The following ABHD17A variants were observed in gnomAD, a reference collection of about 807,000 sequenced individuals.
ABHD17A encodes the protein abhydrolase domain containing 17A, depalmitoylase, also known as alpha/beta hydrolase domain-containing protein 17A.
Under a neutral mutation model 26.8 loss-of-function variants are expected in ABHD17A, and 10 were observed. That is an observed-to-expected ratio of 0.37 (90% CI 0.23 to 0.63). The LOEUF is 0.63. Among genes scored for constraint, ABHD17A ranks in the 30% least tolerant of loss-of-function variants. The pLI is 0.61. For synonymous variants in ABHD17A, 167 were observed against 210.9 expected (o/e 0.79, Z 1.80); for missense variants, 292 against 457.3 (o/e 0.64, Z 3.30).
intron 1 of ABHD17A, among the ~76,000 whole-genome samples, chr19:1,885,086 G>T (rs1239738751): frequency 6.6e-6 from 1 of 152,212 alleles, no homozygotes; most frequent in African/African-American, 2.4e-5. Flanking sequence ...CGGCTCGGAC[G>T]GGTGCTCCCC....
In ABHD17A at chr19:1,879,850, C is replaced by A. The variant is rs1431147746; in HGVS notation, c.527+71G>T. 1.4e-6 allele frequency: 2 copies of A among 1,476,666 alleles called. No homozygotes were observed. Among genetic ancestry groups the A allele is most frequent in the Admixed American group, 2.1e-5 (1 of 48,702 alleles). The allele number at this position is 1,476,666 out of a possible 1,614,324, so 91.5% of individuals were successfully genotyped here. On this transcript the variant is annotated intron_variant, in intron 3 of 4. Coordinates refer to ENST00000292577, the MANE Select transcript of ABHD17A (RefSeq NM_001130111.2). This position sits in a 1 kb window ranked among gnomAD's most constrained non-coding sequence, Gnocchi z 7.6. ...CGCCCACCTTCCTCCCAGGGAAGCC[C>A]GCCCCCCGGCCCCCCGCCTGGTCCC...
intron 1 of ABHD17A, among the ~76,000 whole-genome samples, chr19:1,885,112 G>A (rs2012643137): frequency 6.6e-6 from 1 of 152,230 alleles, no homozygotes; most frequent in Admixed American, 6.5e-5. Flanking sequence ...CAAGGGCCGC[G>A]TCCGCAGGAG....
rs1048306370 is a variant in ABHD17A, at chr19:1,877,770, C to T, written c.528-83G>A. On this transcript the variant is annotated intron_variant, in intron 3 of 4. Transcript: ENST00000292577. ...CAGCGGGCGTCCCCGGGCCCAGCTC[C>T]GGATGCGACCCTCCAGTCTCCCCAC... The T allele has an allele frequency of 2.3e-5, 33 of 1,408,276 alleles. No homozygotes were observed. The Middle Eastern group carries it at 7.6e-4, about 33-fold the overall frequency. The allele number at this position is 1,408,276 out of a possible 1,614,324, so 87.2% of individuals were successfully genotyped here.
At position 1,885,379 on chromosome 19, in the gene ABHD17A, G is replaced by A. The variant is rs1226031169; in HGVS notation, c.-266C>T. On this transcript the variant is annotated 5_prime_UTR_variant, in exon 1 of 5. Transcript: ENST00000292577. Reference sequence around the variant, plus strand: ...CCCCGGCCCGCGCCCCCGGGCCCCAGGGCCGCGCTCCATGGCTCCCGGCCG... The same window carrying A: ...CCCCGGCCCGCGCCCCCGGGCCCCAAGGCCGCGCTCCATGGCTCCCGGCCG... 6.6e-6 allele frequency: 1 copy of A among 150,390 alleles called. No homozygotes were observed. Among genetic ancestry groups the A allele is most frequent in the East Asian group, 2.0e-4 (1 of 5,046 alleles). 9.3% of individuals were successfully genotyped at this position (150,390 alleles called of 1,614,324 possible).
At position 1,879,511 on chromosome 19, in the gene ABHD17A, G is replaced by A. The variant is rs1340052891; in HGVS notation, c.527+410C>T. ...ACAGGGCCTCATGGGCCAGTCCTCC[G>A]GACCTGGATGCAGCAGCCTCGCCTC... On this transcript the variant is annotated intron_variant, in intron 3 of 4. Transcript: ENST00000292577. The surrounding 1 kb of genome is among the most constrained non-coding windows in gnomAD (Gnocchi z 7.6). 4.4e-5 allele frequency: 12 copies of A among 272,328 alleles called. No homozygotes were observed. Among genetic ancestry groups the A allele is most frequent in the South Asian group, 1.5e-4 (4 of 27,240 alleles). The allele number at this position is 272,328 out of a possible 1,614,324, so 16.9% of individuals were successfully genotyped here.
chr19:1,884,493 G>A (rs553606278), intron 1 of ABHD17A, among the ~76,000 whole-genome samples: 1 of 152,252 alleles, frequency 6.6e-6, no homozygotes, highest in South Asian at 2.1e-4. Context: ...CAAGCTAGAG[G>A]TGTTCTGAGG....
chr19:1,877,272 G>A lies in ABHD17A; in HGVS notation c.861C>T (p.Ile287=), dbSNP rs1193835844. 1 of 1,541,536 alleles carries A rather than the reference G, an allele frequency of 6.5e-7. No homozygotes were observed. The change falls in exon 5 of 5, where the codon ATC becomes ATT. Residue 287 remains isoleucine (I), a synonymous_variant. Coordinates refer to ENST00000292577, the MANE Select transcript of ABHD17A (RefSeq NM_001130111.2). Reference sequence around the variant, plus strand: ...GCTCCAGGTACTGGCTGTAGAGCTCGATGTCGTTGTGCCCGGCGCCCTCCA... The same window carrying A: ...GCTCCAGGTACTGGCTGTAGAGCTCAATGTCGTTGTGCCCGGCGCCCTCCA... ...LWVEGAGHND[I]ELYSQYLERL...
At chr19:1,882,344 G>A (rs1257524489) in intron 1 of ABHD17A, 2 of 152,382 alleles carry the variant, frequency 1.3e-5, no homozygotes, top group Non-Finnish European at 2.9e-5. Flanking sequence ...TGGAGACAGA[G>A]GAAATACAAC....
rs773838028 is a variant in ABHD17A, at chr19:1,877,397, G to A, written c.736C>T (p.Pro246Ser). The A allele has an allele frequency of 8.3e-6, 13 of 1,567,560 alleles. No homozygotes were observed. Among genetic ancestry groups the A allele is most frequent in the African/African-American group, 1.3e-5 (1 of 74,538 alleles). Residue 246 changes from proline (P) to serine (S), a missense_variant, in exon 5 of 5, where the codon CCC (proline) becomes TCC (serine). Around this residue, in one of 4 missense-constraint regions of ABHD17A, gnomAD observed 88 missense variants for 134.3 expected, o/e 0.66. Coordinates refer to ENST00000292577, the MANE Select transcript of ABHD17A (RefSeq NM_001130111.2). ...TCCGTGCCGTGGATGATGAGCACGGGAGACGTGATCTTGGACACCTTCTCG... is the reference window on the plus strand; with the variant it reads ...TCCGTGCCGTGGATGATGAGCACGGAAGACGTGATCTTGGACACCTTCTCG... ...NIEKVSKITS[P>S]VLIIHGTEDE...
chr19:1,879,779 G>T lies in ABHD17A; in HGVS notation c.527+142C>A, dbSNP rs532247451. 135 of 822,282 alleles carry T rather than the reference G, an allele frequency of 1.6e-4. No homozygotes were observed. The African/African-American group carries it at 2.1e-3, about 13-fold the overall frequency. The allele number at this position is 822,282 out of a possible 1,614,324, so 50.9% of individuals were successfully genotyped here. A position where few individuals can be genotyped will look rare whatever the true frequency, so the allele number is the denominator to read the frequency against. Reference sequence around the variant, plus strand: ...CCTGCACACCCAAGCTCGCCTGTCCGGCTCTCTGGCCCTGTGCATCCACTG... The same window carrying T: ...CCTGCACACCCAAGCTCGCCTGTCCTGCTCTCTGGCCCTGTGCATCCACTG... On this transcript the variant is annotated intron_variant, in intron 3 of 4. Transcript: ENST00000292577. The surrounding 1 kb of genome is among the most constrained non-coding windows in gnomAD (Gnocchi z 7.6).
chr19:1,885,023 G>A (rs2012639736), intron 1 of ABHD17A, among the ~76,000 whole-genome samples: 1 of 152,206 alleles, frequency 6.6e-6, no homozygotes, highest in African/African-American at 2.4e-5. Context: ...GGGGCGAGAG[G>A]CCGAAGCGTT....
chr19:1,879,071 C>G lies in ABHD17A; in HGVS notation c.527+850G>C, dbSNP rs188706529. 6.6e-6 allele frequency: 1 copy of G among 152,460 alleles called. No individual in the cohort carries two copies. Among genetic ancestry groups the G allele is most frequent in the East Asian group, 1.9e-4 (1 of 5,186 alleles). 9.4% of individuals were successfully genotyped at this position (152,460 alleles called of 1,614,324 possible). On this transcript the variant is annotated intron_variant, in intron 3 of 4. Transcript: ENST00000292577. The surrounding 1 kb of genome is among the most constrained non-coding windows in gnomAD (Gnocchi z 7.6). ...GCGTCCCACACTGCTGGGAGGCCCC[C>G]AGAGCCAGGGTGGTGCCAGGGGACC...
Position 1,877,489 on chromosome 19 carries a change from C to T in ABHD17A, c.707+19G>A. The T allele has an allele frequency of 6.3e-7, 1 of 1,587,496 alleles. No homozygotes were observed. Among genetic ancestry groups the T allele is most frequent in the Non-Finnish European group, 8.5e-7 (1 of 1,174,946 alleles). Reference sequence around the variant, plus strand: ...GGCCCGGGCCCCGCCCCGCCCCCGTCCCCGCCCGGGCCGCTCACTTAGGGA... The same window carrying T: ...GGCCCGGGCCCCGCCCCGCCCCCGTTCCCGCCCGGGCCGCTCACTTAGGGA... On this transcript the variant is annotated intron_variant, in intron 4 of 4. Transcript: ENST00000292577.
chr19:1,880,183 C>G lies in ABHD17A; in HGVS notation c.333-68G>C, dbSNP rs564507326. ...CGCCCAGCTGCAGGGCAGGAGGATG[C>G]GTAGTGACAGCCCACCCCGGTGGCC... On this transcript the variant is annotated intron_variant, in intron 2 of 4. Transcript: ENST00000292577. This position sits in a 1 kb window ranked among gnomAD's most constrained non-coding sequence, Gnocchi z 4.1. The G allele has an allele frequency of 4.1e-5, 64 of 1,556,550 alleles. No homozygotes were observed. In the African/African-American group the frequency reaches 8.4e-4, roughly 20 times the overall value.
Position 1,879,029 on chromosome 19 carries a change from A to G in ABHD17A, c.527+892T>C, listed in dbSNP as rs2145389543. On this transcript the variant is annotated intron_variant, in intron 3 of 4. Coordinates refer to ENST00000292577, the MANE Select transcript of ABHD17A (RefSeq NM_001130111.2). This position sits in a 1 kb window ranked among gnomAD's most constrained non-coding sequence, Gnocchi z 7.6. ...AGGAGGGGCCGAGGAAGTCGCATGA[A>G]GTGGTGATTGGTGTCAGCGTCCCAC... 6.6e-6 allele frequency: 1 copy of G among 152,460 alleles called. No homozygotes were observed. Among genetic ancestry groups the G allele is most frequent in the Admixed American group, 6.5e-5 (1 of 15,302 alleles). The allele number at this position is 152,460 out of a possible 1,614,324, so 9.4% of individuals were successfully genotyped here.
At position 1,880,997 on chromosome 19, in the gene ABHD17A, C is replaced by T; in HGVS notation, c.332+238G>A. ...GCGCTGGGTTGTTGGAGTCGCCCAG[C>T]CTGCCCACCCATGCCAGCTGGGGAT... is the stretch of plus-strand genomic sequence containing the variant. On this transcript the variant is annotated intron_variant, in intron 2 of 4. Transcript: ENST00000292577. This position sits in a 1 kb window ranked among gnomAD's most constrained non-coding sequence, Gnocchi z 4.1. 1.2e-6 allele frequency: 2 copies of T among 1,612,300 alleles called. No homozygotes were observed. Among genetic ancestry groups the T allele is most frequent in the South Asian group, 1.1e-5 (1 of 91,028 alleles).
chr19:1,881,579 C>T lies in ABHD17A; in HGVS notation c.-13G>A. 6.4e-7 allele frequency: 1 copy of T among 1,561,050 alleles called. No homozygotes were observed. The highest frequency in any genetic ancestry group is 1.2e-5 in the South Asian group (1 of 86,708). On this transcript the variant is annotated 5_prime_UTR_variant, in exon 2 of 5. Transcript: ENST00000292577. The stretch of plus-strand genomic sequence containing the variant: ...ACAGCCCATTCATGGCGGGCGCCGC[C>T]CAGGCCGGGCCTCCACCGGGGCCCC...
Position 1,876,859 on chromosome 19 carries a change from G to A in ABHD17A, c.*341C>T. On this transcript the variant is annotated 3_prime_UTR_variant, in exon 5 of 5. Transcript: ENST00000292577. ...TCCGCAGAGTAAAACCTATAAGGGGGTCCGTGCCGATCTCTCCTAGGGACT... is the reference window on the plus strand; with the variant it reads ...TCCGCAGAGTAAAACCTATAAGGGGATCCGTGCCGATCTCTCCTAGGGACT... 2 of 344,060 alleles carry A rather than the reference G, an allele frequency of 5.8e-6. No individual in the cohort carries two copies. The highest frequency in any genetic ancestry group is 2.7e-5 in the South Asian group (1 of 36,392). 21.3% of individuals were successfully genotyped at this position (344,060 alleles called of 1,614,324 possible). A position where few individuals can be genotyped will look rare whatever the true frequency, so the allele number is the denominator to read the frequency against.
intron 1 of ABHD17A, chr19:1,882,929 T>C (rs2012581906): frequency 6.6e-6 from 1 of 152,048 alleles, no homozygotes; most frequent in Non-Finnish European, 1.5e-5. Context: ...AAGGCAGATG[T>C]GGACACAGAT....
Sources: gnomAD v4.1 joint callset for allele counts (sites outside exome capture counted in the v4.1 genomes callset) on GRCh38, gnomAD v4.1.1 for gene constraint, gnomAD v4.1.1 regional missense constraint, Gnocchi (gnomAD v3.1) non-coding constraint, MANE v1.5 for transcripts, NCBI Gene and HGNC (gene_info 2026-07-23, HGNC 2026-07-21) for gene names.